IMMP2L: variants seen among roughly 807,000 people sequenced by gnomAD.
The protein encoded by IMMP2L is inner mitochondrial membrane peptidase subunit 2.
IMMP2L carries 18 observed loss-of-function variants against 19.3 expected under a neutral mutation model. The ratio of observed to expected loss-of-function variants is 0.93; its 90% CI spans 0.64 to 1.38. The LOEUF (loss-of-function observed/expected upper bound fraction) is 1.38, where lower values mean the gene tolerates loss of function less well. Among genes scored for constraint, IMMP2L ranks in the 40% most tolerant of loss-of-function variants. The pLI, the probability that IMMP2L is intolerant of heterozygous loss-of-function variation, is 0.00. For missense variants in IMMP2L, 233 were observed against 218.2 expected (o/e 1.07, Z -0.43); for synonymous variants, 76 against 73.0 (o/e 1.04, Z -0.21).
At position 111,187,084 on chromosome 7, in the gene IMMP2L, A is replaced by G. The variant is rs560535912; in HGVS notation, c.240-223519T>C. 2.0e-5 allele frequency among the ~76,000 whole-genome samples: 3 copies of G among 152,300 alleles called. No homozygotes were observed. In the South Asian group the frequency reaches 6.2e-4, roughly 32 times the overall value. On this transcript the variant is annotated intron_variant, in intron 3 of 5. Coordinates refer to ENST00000405709, the MANE Select transcript of IMMP2L (RefSeq NM_032549.4). ...ACACAGAGGAAAAGACTGCAAACGT[A>G]TAAATAAAATCAAAGTAAGTATTAA...
At chr7:111,508,274 G>A (rs912512444) in intron 2 of IMMP2L, among the ~76,000 whole-genome samples, 16 of 150,244 alleles carry the variant, frequency 1.1e-4, no homozygotes, top group African/African-American at 3.2e-4. Flanking sequence ...TATAAAACAG[G>A]CATTTTAAAA....
chr7:111,191,431 T>TACACACACACACACACAC (rs57414194), intron 3 of IMMP2L, among the ~76,000 whole-genome samples: 8 of 146,664 alleles, frequency 5.5e-5, no homozygotes, highest in African/African-American at 1.5e-4. Flanking sequence ...GCTGCTCAAA[T>TACACACACACACACACAC]ACACACACAC....
intron 3 of IMMP2L, among the ~76,000 whole-genome samples, chr7:111,432,223 T>C (rs1326800879): frequency 6.6e-6 from 1 of 151,182 alleles, no homozygotes; most frequent in Non-Finnish European, 1.5e-5. Context: ...GCTTGGAGTG[T>C]GGGGGAAAAA....
At chr7:111,055,021 C>T (rs1204713062) in intron 3 of IMMP2L, among the ~76,000 whole-genome samples, 1 of 148,530 alleles carries the variant, frequency 6.7e-6, no homozygotes, top group Non-Finnish European at 1.5e-5. Flanking sequence ...ATCCCTTTCT[C>T]TAGTCATGGA....
chr7:110,981,745 T>C (rs1347093909), intron 3 of IMMP2L, among the ~76,000 whole-genome samples: 1 of 152,152 alleles, frequency 6.6e-6, no homozygotes, highest in Non-Finnish European at 1.5e-5. Context: ...TCTAAGTTAT[T>C]CAAGCTCTTG....
At chr7:111,243,517 T>G (rs1405344946) in intron 3 of IMMP2L, among the ~76,000 whole-genome samples, 3 of 147,494 alleles carry the variant, frequency 2.0e-5, no homozygotes, top group African/African-American at 7.8e-5. Flanking sequence ...TTGCTTTATT[T>G]TTTTTTTTTT....
At chr7:111,428,365 G>C (rs1239514896) in intron 3 of IMMP2L, among the ~76,000 whole-genome samples, 2 of 151,470 alleles carry the variant, frequency 1.3e-5, no homozygotes, top group African/African-American at 2.4e-5. Context: ...ATTTTTTAAA[G>C]TAATAAGGAC....
At chr7:111,051,365 A>AGG (rs1792992171) in intron 3 of IMMP2L, among the ~76,000 whole-genome samples, 1 of 152,200 alleles carries the variant, frequency 6.6e-6, no homozygotes, top group Non-Finnish European at 1.5e-5. Flanking sequence ...TCAGGAAACT[A>AGG]TCCTGAGCGA....
chr7:110,729,377 T>G (rs1204549404), intron 5 of IMMP2L, among the ~76,000 whole-genome samples: 3 of 152,160 alleles, frequency 2.0e-5, no homozygotes, highest in Non-Finnish European at 4.4e-5. Context: ...ATGGAGAAAC[T>G]GCCAAACACT....
chr7:111,013,262 T>C (rs1364861976), intron 3 of IMMP2L, among the ~76,000 whole-genome samples: 1 of 152,156 alleles, frequency 6.6e-6, no homozygotes, highest in Non-Finnish European at 1.5e-5. Flanking sequence ...AAGAGTTTTA[T>C]GTAAGAGGTA....
intron 4 of IMMP2L, among the ~76,000 whole-genome samples, chr7:110,942,582 G>A (rs1274137590): frequency 6.6e-6 from 1 of 151,774 alleles, no homozygotes; most frequent in Non-Finnish European, 1.5e-5. Flanking sequence ...GGCAAGGGGT[G>A]AGGAATGAAT....
chr7:111,428,595 T>C (rs929364248), intron 3 of IMMP2L, among the ~76,000 whole-genome samples: 3 of 151,770 alleles, frequency 2.0e-5, no homozygotes, highest in African/African-American at 7.3e-5. Flanking sequence ...CAAGTGTCTA[T>C]CAATTTTACT....
chr7:111,343,865 C>T (rs1396157384), intron 3 of IMMP2L, among the ~76,000 whole-genome samples: 2 of 152,046 alleles, frequency 1.3e-5, no homozygotes, highest in Admixed American at 6.6e-5. Flanking sequence ...GAACCTTCAC[C>T]ACCCCATTTT....
At chr7:110,868,886 A>C (rs1808270330) in intron 5 of IMMP2L, among the ~76,000 whole-genome samples, 1 of 152,018 alleles carries the variant, frequency 6.6e-6, no homozygotes, top group African/African-American at 2.4e-5. Flanking sequence ...TGAATGCAAA[A>C]AGAAACCTCT....
At chr7:111,445,025 C>T in intron 3 of IMMP2L, among the ~76,000 whole-genome samples, 1 of 152,030 alleles carries the variant, frequency 6.6e-6, no homozygotes. Flanking sequence ...TTCTAAGAAA[C>T]AGCTAGGCAT....
At chr7:110,690,811 A>G (rs1315689457) in intron 5 of IMMP2L, among the ~76,000 whole-genome samples, 1 of 152,168 alleles carries the variant, frequency 6.6e-6, no homozygotes, top group Non-Finnish European at 1.5e-5. Context: ...ACTGCTAAAA[A>G]AAAAATAGAT....
chr7:111,091,460 C>T (rs529361619), intron 3 of IMMP2L: 2 of 152,104 alleles, frequency 1.3e-5, no homozygotes, highest in African/African-American at 2.4e-5. Context: ...GAATCCAGCA[C>T]GCAAGGACAT....
At chr7:111,526,416 A>G (rs1846864429) in intron 1 of IMMP2L, among the ~76,000 whole-genome samples, 1 of 152,216 alleles carries the variant, frequency 6.6e-6, no homozygotes, top group Admixed American at 6.5e-5. Flanking sequence ...GCAGTGGTTA[A>G]TTCTATATGC....
chr7:111,434,283 C>G (rs929527432), intron 3 of IMMP2L, among the ~76,000 whole-genome samples: 3 of 151,718 alleles, frequency 2.0e-5, no homozygotes, highest in Non-Finnish European at 4.4e-5. Context: ...GTCACAAAGT[C>G]TTATGTTCTG....
Sources: allele counts gnomAD v4.1 joint callset (sites outside exome capture counted in the v4.1 genomes callset), GRCh38; gene constraint gnomAD v4.1.1; transcripts MANE v1.5; gene names NCBI Gene and HGNC (gene_info 2026-07-23, HGNC 2026-07-21).